PER3: variants seen among roughly 807,000 people sequenced by gnomAD.
PER3 encodes the protein period circadian protein homolog 3.
In PER3, 107 loss-of-function variants were observed where a neutral mutation model predicts 127.2. The observed-to-expected ratio is 0.84, with a 90% CI of 0.72 to 0.99. The LOEUF (loss-of-function observed/expected upper bound fraction) is 0.99, where lower values mean the gene tolerates loss of function less well. Ranked by LOEUF, PER3 falls within the 50% of genes least tolerant of loss-of-function variation. PER3 has a pLI of 0.00. For synonymous variants in PER3, 618 were observed against 585.8 expected, an observed-to-expected ratio of 1.05 and a Z score of -0.79; for missense variants, 1,560 against 1,525.8, an observed-to-expected ratio of 1.02 and a Z score of -0.37.
chr1:7,795,436 T>C (rs1415208600), intron 6 of PER3, among the ~76,000 whole-genome samples: 1 of 152,190 alleles, frequency 6.6e-6, no homozygotes, highest in African/African-American at 2.4e-5. Context: ...AGATTGCCGT[T>C]GTATTCAGGG....
chr1:7,837,414 A>G (rs2097363599), intron 21 of PER3, among the ~76,000 whole-genome samples: 1 of 152,180 alleles, frequency 6.6e-6, no homozygotes, highest in Admixed American at 6.5e-5. Flanking sequence ...ACCAGTTGGA[A>G]TGTTAGGGTA....
chr1:7,837,843 G>A (rs1171828967), intron 21 of PER3, among the ~76,000 whole-genome samples: 1 of 152,196 alleles, frequency 6.6e-6, no homozygotes, highest in Non-Finnish European at 1.5e-5. Context: ...GGAGGCCAAG[G>A]TGAGAGGATC....
At chr1:7,827,960 T>TA in intron 18 of PER3, 145 bp downstream of exon 18, 1 of 621,914 alleles carries the variant, frequency 1.6e-6, no homozygotes, top group Non-Finnish European at 2.8e-6. Flanking sequence ...TAATTCTGTG[T>TA]AAACATGAAA....
At chr1:7,839,396 G>C (rs1274605233) in intron 21 of PER3, among the ~76,000 whole-genome samples, 2 of 152,202 alleles carry the variant, frequency 1.3e-5, no homozygotes, top group African/African-American at 4.8e-5. Flanking sequence ...TAGACTACTA[G>C]TTTTCTTTGA....
chr1:7,841,152 CAA>C (rs1179131258), intron 21 of PER3, among the ~76,000 whole-genome samples: 1 of 152,116 alleles, frequency 6.6e-6, no homozygotes, highest in African/African-American at 2.4e-5. Flanking sequence ...AAAAAAAACT[CAA>C]AATGTTTTAA....
intron 13 of PER3, 22 bp downstream of exon 13, chr1:7,810,610 A>G (rs1447320212): frequency 1.3e-6 from 2 of 1,596,584 alleles, no homozygotes; most frequent in Non-Finnish European, 1.7e-6. Flanking sequence ...GGCAGCCCCA[A>G]GGATCTCCTT....
intron 16 of PER3, among the ~76,000 whole-genome samples, chr1:7,822,677 A>C (rs1027478672): frequency 3.9e-5 from 6 of 152,376 alleles, no homozygotes; most frequent in African/African-American, 1.2e-4. Flanking sequence ...AACAAAAAAG[A>C]AGCAGAGAGA....
chr1:7,821,620 C>T (rs1558448771), intron 16 of PER3, among the ~76,000 whole-genome samples: 2 of 151,954 alleles, frequency 1.3e-5, no homozygotes, highest in East Asian at 3.9e-4. Context: ...ATGAAAAGCT[C>T]TTTTTTTTAT....
rs927711128 is a variant in PER3, at chr1:7,784,670, T to C, written c.-208T>C. 8.3e-6 allele frequency: 4 copies of C among 480,966 alleles called. No individual in the cohort carries two copies. The Admixed American group carries it at 1.8e-4, about 21-fold the overall frequency. 29.8% of individuals were successfully genotyped at this position (480,966 alleles called of 1,614,324 possible). On this transcript the variant is annotated 5_prime_UTR_variant, in exon 2 of 22. Coordinates refer to ENST00000377532, the MANE Select transcript of PER3 (RefSeq NM_001377275.1). ...TCCCCCTAGGCCGGAGTCCTGAAAG[T>C]CGAGCGAGCTCCGGGTTTTGAAAAT...
At chr1:7,797,647 A>AAG (rs987015019) in intron 6 of PER3, among the ~76,000 whole-genome samples, 14 of 152,114 alleles carry the variant, frequency 9.2e-5, no homozygotes, top group South Asian at 4.1e-4. Context: ...AAAAAAAAAA[A>AAG]AAAAAGAAAA....
rs1161177970 is a variant in PER3 at position 7,807,397 on chromosome 1, C to T, written c.1137-1496C>T. Among the ~76,000 whole-genome samples, 3 of 152,180 alleles carry T rather than the reference C, an allele frequency of 2.0e-5. No homozygotes were observed. The East Asian group carries it at 5.8e-4, about 29-fold the overall frequency. ...ATAGTCCCTAGACGTGGAGATATTC[C>T]TGACTGCTTTTACGATACTGTCAGC... On this transcript the variant is annotated intron_variant, in intron 10 of 21. Transcript: ENST00000377532.
Position 7,806,646 on chromosome 1 carries a change from T to C in PER3, c.1137-2247T>C, listed in dbSNP as rs192539431. On this transcript the variant is annotated intron_variant, in intron 10 of 21. Transcript: ENST00000377532. ...CTACAAAAAATTTAAAAACAAAAAT[T>C]AGTTGGGCATGGTGGTACGTGCCTG... Among the ~76,000 whole-genome samples the C allele has an allele frequency of 5.3e-5, 8 of 150,638 alleles. No homozygotes were observed. In the East Asian group the frequency reaches 1.6e-3, roughly 30 times the overall value.
rs746175014 is a variant in PER3, at chr1:7,829,856, G to C, written c.2909G>C (p.Gly970Ala). ...TEYQCVTGNNGSESSPATTGA... is the reference protein window; with the variant it reads ...TEYQCVTGNNASESSPATTGA... ...TAGCAGTGTGTTACAGGCAACAATG[G>C]CAGTGAGAGCAGTCCTGCTACTACC... Residue 970 changes from glycine (G) to alanine (A), a missense_variant, in exon 19 of 22, where the codon GGC becomes GCC. Transcript: ENST00000377532. 6.2e-7 allele frequency: 1 copy of C among 1,613,982 alleles called. No individual in the cohort carries two copies. Among genetic ancestry groups the C allele is most frequent in the Admixed American group, 1.7e-5 (1 of 60,016 alleles).
rs1231230125 is a variant in PER3 at position 7,843,730 on chromosome 1, TGTG to T, written c.*977_*979del. 4.9e-6 allele frequency: 1 copy of T among 205,776 alleles called. No individual in the cohort carries two copies. The highest frequency in any genetic ancestry group is 9.7e-6 in the Non-Finnish European group (1 of 103,186). 12.7% of individuals were successfully genotyped at this position (205,776 alleles called of 1,614,324 possible). ...TGTTTGCCCTTGAACAGGGCAGTGT[TGTG>T]GGGACTGCAAAAGAGAAAACGTCCA... On this transcript the variant is annotated 3_prime_UTR_variant, in exon 22 of 22. Coordinates refer to ENST00000377532, the MANE Select transcript of PER3 (RefSeq NM_001377275.1).
chr1:7,833,972 G>T (rs2097345308), intron 19 of PER3, among the ~76,000 whole-genome samples: 1 of 151,162 alleles, frequency 6.6e-6, no homozygotes, highest in Admixed American at 6.6e-5. Flanking sequence ...ACCCAGGCTG[G>T]AGTGCAGTGG....
chr1:7,812,742 T>C (rs188117423), intron 13 of PER3, among the ~76,000 whole-genome samples: 2 of 152,118 alleles, frequency 1.3e-5, no homozygotes, highest in Admixed American at 6.5e-5. Context: ...TTGGCTCTAA[T>C]AGCACACACA....
chr1:7,787,486 G>A (rs1341987414), intron 4 of PER3: 4 of 452,454 alleles, frequency 8.8e-6, no homozygotes, highest in Non-Finnish European at 1.7e-5. Flanking sequence ...TGTAGGAGGT[G>A]CTATGGAGAT....
At chr1:7,816,714 ATTG>A (rs1558438571) in intron 13 of PER3, among the ~76,000 whole-genome samples, 2 of 152,228 alleles carry the variant, frequency 1.3e-5, no homozygotes, top group African/African-American at 4.8e-5. Context: ...GCACTCACCT[ATTG>A]TTGGAGGTAA....
intron 21 of PER3, among the ~76,000 whole-genome samples, chr1:7,839,861 C>T (rs776924487): frequency 2.7e-5 from 4 of 149,360 alleles, no homozygotes; most frequent in Non-Finnish European, 6.0e-5. Flanking sequence ...TCTCCGAGTT[C>T]TGAGTACATC....
Sources: allele counts gnomAD v4.1 joint callset (sites outside exome capture counted in the v4.1 genomes callset), GRCh38; gene constraint gnomAD v4.1.1; transcripts MANE v1.5; gene names NCBI Gene and HGNC (gene_info 2026-07-23, HGNC 2026-07-21).